The following PHF21B variants were observed in gnomAD, a reference collection of about 807,000 sequenced individuals.
The protein encoded by PHF21B is PHD finger protein 21B.
PHF21B carries 22 observed loss-of-function variants against 62.2 expected under a neutral mutation model. That is an observed-to-expected ratio of 0.35 (90% CI 0.25 to 0.51). The LOEUF (loss-of-function observed/expected upper bound fraction) is 0.51, where lower values mean the gene tolerates loss of function less well. Ranked by LOEUF, PHF21B falls within the 20% of genes least tolerant of loss-of-function variation. PHF21B has a pLI of 0.97. For synonymous variants in PHF21B, 341 were observed against 314.7 expected, an observed-to-expected ratio of 1.08 and a Z score of -0.88; for missense variants, 701 against 707.9, an observed-to-expected ratio of 0.99 and a Z score of 0.11.
At position 44,966,837 on chromosome 22, in the gene PHF21B, C is replaced by A. The variant is rs74944766; in HGVS notation, c.120+41708G>T. On this transcript the variant is annotated intron_variant, in intron 2 of 12. Transcript: ENST00000313237. ...CGCTGCAGAGGCTCCCAGAGCAGTGCCCACACTCGAGTTAGTGCATTATAT... is the reference window on the plus strand; with the variant it reads ...CGCTGCAGAGGCTCCCAGAGCAGTGACCACACTCGAGTTAGTGCATTATAT... Among the ~76,000 whole-genome samples the A allele has an allele frequency of 5.8e-3, 888 of 152,306 alleles. 11 individuals carry two copies. Among genetic ancestry groups the A allele is most frequent in the African/African-American group, 0.021 (852 of 41,552 alleles).
rs144730424 is a variant in PHF21B, at chr22:44,927,542, G to A, written c.121-7052C>T. On this transcript the variant is annotated intron_variant, in intron 2 of 12. Transcript: ENST00000313237. The stretch of plus-strand genomic sequence containing the variant: ...TGCCTTGCAGGGCCCCCTCCTCACC[G>A]CCCTGGGGACGGTGGGTTCCTTTTC... Among the ~76,000 whole-genome samples, 113 of 152,254 alleles carry A rather than the reference G, an allele frequency of 7.4e-4. 1 individual carries two copies. Among genetic ancestry groups the A allele is most frequent in the Middle Eastern group, 3.4e-3 (1 of 294 alleles).
chr22:44,993,768 G>A (rs995708238), intron 2 of PHF21B, among the ~76,000 whole-genome samples: 4 of 152,336 alleles, frequency 2.6e-5, no homozygotes, highest in East Asian at 1.9e-4. Context: ...TATTTAGGTC[G>A]GCTGTGCTTC....
At chr22:44,899,301 T>A (rs1273097631) in intron 5 of PHF21B, among the ~76,000 whole-genome samples, 2 of 147,612 alleles carry the variant, frequency 1.4e-5, no homozygotes, top group Admixed American at 1.3e-4. Flanking sequence ...TTTTTTTTTT[T>A]TTTTTTGAGA....
At chr22:44,896,488 C>G (rs949402222) in intron 5 of PHF21B, among the ~76,000 whole-genome samples, 1 of 152,194 alleles carries the variant, frequency 6.6e-6, no homozygotes, top group African/African-American at 2.4e-5. Flanking sequence ...TCCTTGAAAA[C>G]ACTGGATACA....
intron 2 of PHF21B, among the ~76,000 whole-genome samples, chr22:44,938,427 T>C (rs1003678876): frequency 1.6e-4 from 24 of 152,168 alleles, no homozygotes. Flanking sequence ...AGAGACAGGG[T>C]TTCTCCATGT....
intron 2 of PHF21B, among the ~76,000 whole-genome samples, chr22:44,977,953 T>C (rs2072769179): frequency 6.6e-6 from 1 of 152,122 alleles, no homozygotes; most frequent in Admixed American, 6.6e-5. Context: ...TGAAGAAAAC[T>C]TCAACTCCAA....
At chr22:44,917,459 G>C (rs981943677) in intron 3 of PHF21B, among the ~76,000 whole-genome samples, 2 of 152,122 alleles carry the variant, frequency 1.3e-5, no homozygotes, top group African/African-American at 2.4e-5. Flanking sequence ...ATGGAACCAG[G>C]AGCGCCACAT....
intron 12 of PHF21B, among the ~76,000 whole-genome samples, chr22:44,884,059 C>CTGTGATCAGCACCAT (rs1569203873): frequency 5.7e-5 from 8 of 139,700 alleles, no homozygotes; most frequent in Middle Eastern, 3.9e-3. Context: ...ACCACCATCA[C>CTGTGATCAGCACCAT]CACCACCATG....
At chr22:44,940,135 G>A (rs897525624) in intron 2 of PHF21B, among the ~76,000 whole-genome samples, 1 of 152,138 alleles carries the variant, frequency 6.6e-6, no homozygotes, top group Non-Finnish European at 1.5e-5. Flanking sequence ...TGCTTAAGAT[G>A]CCGCACCTCC....
chr22:44,970,423 C>G (rs1014852929), intron 2 of PHF21B, among the ~76,000 whole-genome samples: 5 of 152,212 alleles, frequency 3.3e-5, no homozygotes, highest in African/African-American at 1.2e-4. Context: ...GAGGGTGGGA[C>G]CTGGTAGGGC....
intron 2 of PHF21B, chr22:45,008,221 G>A (rs994441441): frequency 4.4e-6 from 1 of 225,948 alleles, no homozygotes; most frequent in Non-Finnish European, 8.6e-6. Context: ...CCGCCTCAGC[G>A]CAAAGCGGGG....
In PHF21B at chr22:45,009,644, CG is replaced by C; in HGVS notation, c.-96del. 1.6e-6 allele frequency: 2 copies of C among 1,257,480 alleles called. No homozygotes were observed. Among genetic ancestry groups the C allele is most frequent in the Middle Eastern group, 5.4e-4 (2 of 3,710 alleles). 77.9% of individuals were successfully genotyped at this position (1,257,480 alleles called of 1,614,324 possible). A position where few individuals can be genotyped will look rare whatever the true frequency, so the allele number is the denominator to read the frequency against. ...GGGCCAGAGCGGGCGCGGGCGGACG[CG>C]GCCTCCGGGCTGGGTTGGGGGGGAC... On this transcript the variant is annotated 5_prime_UTR_variant, in exon 1 of 13. Coordinates refer to ENST00000313237, the MANE Select transcript of PHF21B (RefSeq NM_138415.5). The surrounding 1 kb of genome is among the most constrained non-coding windows in gnomAD (Gnocchi z 5.9).
Position 44,893,477 on chromosome 22 carries a change from T to C in PHF21B, c.940A>G (p.Ser314Gly). 6.2e-7 allele frequency: 1 copy of C among 1,602,436 alleles called. No individual in the cohort carries two copies. Among genetic ancestry groups the C allele is most frequent in the Admixed American group, 1.7e-5 (1 of 58,606 alleles). ...KRRSTANPAY[S>G]GLLETERKRL... ...CCCACCTCGGTCTCCAGGAGGCCGC[T>C]GTAGGCAGGGTTGGCTGTGCTTCTT... Residue 314 changes from serine to glycine, a missense_variant, in exon 7 of 13, where the codon AGC (serine) becomes GGC (glycine). Transcript: ENST00000313237.
intron 2 of PHF21B, among the ~76,000 whole-genome samples, chr22:45,004,133 AC>A (rs1401163929): frequency 6.6e-6 from 1 of 152,206 alleles, no homozygotes; most frequent in East Asian, 1.9e-4. Context: ...TTTATAGGCG[AC>A]AAAAATATTC....
At chr22:44,933,613 G>C (rs151219104) in intron 2 of PHF21B, 139 of 854,820 alleles carry the variant, frequency 1.6e-4, no homozygotes, top group Non-Finnish European at 1.7e-4. Flanking sequence ...AGGGGTAAGC[G>C]TTAAGTGGGG....
chr22:44,905,548 T>C (rs1038174955), intron 5 of PHF21B, among the ~76,000 whole-genome samples: 4 of 152,246 alleles, frequency 2.6e-5, no homozygotes, highest in African/African-American at 9.6e-5. Context: ...GTTGATTTCA[T>C]TGATCGCCAG....
intron 10 of PHF21B, among the ~76,000 whole-genome samples, chr22:44,886,502 C>A (rs2070861660): frequency 2.0e-5 from 3 of 147,208 alleles, no homozygotes; most frequent in African/African-American, 7.5e-5. Flanking sequence ...GCCTGGGCAA[C>A]AAAGTGAGAC....
intron 2 of PHF21B, among the ~76,000 whole-genome samples, chr22:44,931,639 T>TTGG (rs1457895095): frequency 9.0e-5 from 6 of 66,984 alleles, no homozygotes; most frequent in South Asian, 5.3e-4. Context: ...GGTTGTGATC[T>TTGG]TGGGGGGGGG....
intron 2 of PHF21B, among the ~76,000 whole-genome samples, chr22:44,981,388 C>T (rs2072839487): frequency 1.3e-5 from 2 of 152,330 alleles, no homozygotes; most frequent in African/African-American, 2.4e-5. Context: ...GCCTCACTCA[C>T]CAAGTTGGAG....
Sources: gnomAD v4.1 joint callset for allele counts (sites outside exome capture counted in the v4.1 genomes callset) on GRCh38, gnomAD v4.1.1 for gene constraint, Gnocchi (gnomAD v3.1) non-coding constraint, MANE v1.5 for transcripts, NCBI Gene and HGNC (gene_info 2026-07-23, HGNC 2026-07-21) for gene names.